Variants in RNF11 observed in about 807,000 individuals in gnomAD.
RNF11 encodes ring finger protein 11.
RNF11 carries 4 observed loss-of-function variants against 15.8 expected under a neutral mutation model. That is an observed-to-expected ratio of 0.25 (90% confidence interval 0.12 to 0.58). The LOEUF (loss-of-function observed/expected upper bound fraction) is 0.58. RNF11 is among the 20% of genes least tolerant of loss of function. RNF11 has a pLI of 0.91. For missense variants in RNF11, 139 were observed against 194.4 expected (o/e 0.71, Z 1.70); for synonymous variants, 68 against 72.3 (o/e 0.94, Z 0.30).
At chr1:51,262,363 T>TTA (rs1274614487) in intron 1 of RNF11, among the ~76,000 whole-genome samples, 1 of 152,224 alleles carries the variant, frequency 6.6e-6, no homozygotes, top group Non-Finnish European at 1.5e-5. Flanking sequence ...AGCTAAAACT[T>TTA]TATAAACCTC....
chr1:51,249,466 C>G (rs1290257950), intron 1 of RNF11, among the ~76,000 whole-genome samples: 1 of 152,130 alleles, frequency 6.6e-6, no homozygotes, highest in East Asian at 1.9e-4. Flanking sequence ...TGTTTCCAAG[C>G]CCCCAAAAGG....
intron 1 of RNF11, among the ~76,000 whole-genome samples, chr1:51,261,220 ACCCTTTAAGGT>A (rs1646929103): frequency 6.6e-6 from 1 of 152,108 alleles, no homozygotes; most frequent in Non-Finnish European, 1.5e-5. Context: ...AGATCCACAG[ACCCTTTAAGGT>A]CAGGGATAGA....
chr1:51,244,447 C>T (rs145317837), intron 1 of RNF11, among the ~76,000 whole-genome samples: 76 of 152,102 alleles, frequency 5.0e-4, no homozygotes, highest in East Asian at 2.3e-3. Flanking sequence ...TGCAGTGGCG[C>T]GATCTCAGCT....
intron 1 of RNF11, among the ~76,000 whole-genome samples, chr1:51,262,595 T>A (rs1646935339): frequency 1.3e-5 from 2 of 152,134 alleles, no homozygotes; most frequent in Non-Finnish European, 1.5e-5. Context: ...TCATCTAGAC[T>A]GGAGTGCAGC....
intron 1 of RNF11, among the ~76,000 whole-genome samples, chr1:51,240,023 T>C (rs1289630089): frequency 6.6e-6 from 1 of 152,206 alleles, no homozygotes; most frequent in Non-Finnish European, 1.5e-5. Flanking sequence ...CTAACAGTTA[T>C]CCCTGCTTTC....
In RNF11 at chr1:51,272,481, A is replaced by C. The variant is rs143495145; in HGVS notation, c.*1159A>C. 6.5e-6 allele frequency: 1 copy of C among 152,758 alleles called. No homozygotes were observed. The highest frequency in any genetic ancestry group is 2.4e-5 in the African/African-American group (1 of 41,576). The allele number at this position is 152,758 out of a possible 1,614,324, so 9.5% of individuals were successfully genotyped here. ...TAATTGTATTTTATGTTTTGCACAC[A>C]AACGCAGAATTTGTATAACCATATG... On this transcript the variant is annotated 3_prime_UTR_variant, in exon 3 of 3. Coordinates refer to ENST00000242719, the MANE Select transcript of RNF11 (RefSeq NM_014372.5).
intron 1 of RNF11, among the ~76,000 whole-genome samples, chr1:51,244,909 A>C (rs1403164896): frequency 6.6e-6 from 1 of 152,244 alleles, no homozygotes; most frequent in Non-Finnish European, 1.5e-5. Flanking sequence ...ATTATAGGGT[A>C]ACTTGAGAAG....
intron 1 of RNF11, among the ~76,000 whole-genome samples, chr1:51,247,246 C>T (rs1188531205): frequency 6.6e-6 from 1 of 151,726 alleles, no homozygotes; most frequent in Admixed American, 6.6e-5. Flanking sequence ...ACCTTGTTGC[C>T]TAGGCTGGAG....
chr1:51,252,416 A>C (rs1317069074), intron 1 of RNF11, among the ~76,000 whole-genome samples: 1 of 152,074 alleles, frequency 6.6e-6, no homozygotes, highest in East Asian at 1.9e-4. Context: ...GGAATTCGAG[A>C]CCAGCCTGGG....
At chr1:51,241,122 A>G (rs904301476) in intron 1 of RNF11, among the ~76,000 whole-genome samples, 24 of 151,722 alleles carry the variant, frequency 1.6e-4, no homozygotes, top group African/African-American at 5.8e-4. Context: ...TGCCCTTTAT[A>G]TTTTTTAAAT....
chr1:51,250,131 A>G (rs113331477), intron 1 of RNF11, among the ~76,000 whole-genome samples: 27 of 152,176 alleles, frequency 1.8e-4, no homozygotes, highest in African/African-American at 5.8e-4. Flanking sequence ...GGTATTGTCA[A>G]TCTTTATTTT....
intron 1 of RNF11, among the ~76,000 whole-genome samples, chr1:51,254,024 C>T (rs955329533): frequency 1.3e-5 from 2 of 151,658 alleles, no homozygotes; most frequent in South Asian, 4.1e-4. Flanking sequence ...TTTTAAAGCT[C>T]TACACGATCA....
At chr1:51,269,875 C>G (rs948881440) in intron 1 of RNF11, 81 bp from the exon 2 acceptor site, 2 of 1,226,150 alleles carry the variant, frequency 1.6e-6, no homozygotes, top group African/African-American at 3.1e-5. Context: ...GGCTCCCTTT[C>G]CCTTCTATCT....
intron 2 of RNF11, 79 bp downstream of exon 2, chr1:51,270,204 T>G: frequency 5.8e-6 from 6 of 1,039,934 alleles, no homozygotes; most frequent in Non-Finnish European, 8.5e-6. Flanking sequence ...CTCCTGCACT[T>G]TAGAAAGTCA....
At chr1:51,252,972 G>C (rs547956761) in intron 1 of RNF11, among the ~76,000 whole-genome samples, 1 of 151,698 alleles carries the variant, frequency 6.6e-6, no homozygotes, top group East Asian at 2.0e-4. Flanking sequence ...GATTATAGGC[G>C]CCCACCACGC....
Position 51,236,729 on chromosome 1 carries a change from C to G in RNF11, c.-28C>G, listed in dbSNP as rs749608580. Reference sequence around the variant, plus strand: ...CGACCCCACCGCTGCTTTCTCCTCCCCCAGATCACGCACCCCAGCTCCGGA... The same window carrying G: ...CGACCCCACCGCTGCTTTCTCCTCCGCCAGATCACGCACCCCAGCTCCGGA... On this transcript the variant is annotated 5_prime_UTR_variant, in exon 1 of 3. Coordinates refer to ENST00000242719, the MANE Select transcript of RNF11 (RefSeq NM_014372.5). 3.1e-6 allele frequency: 5 copies of G among 1,608,690 alleles called. No individual in the cohort carries two copies. Among genetic ancestry groups the G allele is most frequent in the Non-Finnish European group, 4.2e-6 (5 of 1,177,906 alleles).
chr1:51,253,396 A>G (rs1362289123), intron 1 of RNF11, among the ~76,000 whole-genome samples: 1 of 151,724 alleles, frequency 6.6e-6, no homozygotes, highest in African/African-American at 2.4e-5. Flanking sequence ...GGTGGCATGC[A>G]CCTGTAGTCC....
intron 1 of RNF11, among the ~76,000 whole-genome samples, chr1:51,241,587 T>C (rs966451267): frequency 1.6e-4 from 24 of 152,212 alleles, no homozygotes; most frequent in African/African-American, 5.8e-4. Context: ...GGGAAAGTAC[T>C]TGGGGGAGAA....
chr1:51,242,581 A>G (rs1487025627), intron 1 of RNF11, among the ~76,000 whole-genome samples: 3 of 152,298 alleles, frequency 2.0e-5, no homozygotes, highest in Non-Finnish European at 2.9e-5. Context: ...TAAAAAATCT[A>G]GAATGTACTG....
Sources: gnomAD v4.1 joint callset for allele counts (sites outside exome capture counted in the v4.1 genomes callset) on GRCh38, gnomAD v4.1.1 for gene constraint, MANE v1.5 for transcripts, NCBI Gene and HGNC (gene_info 2026-07-23, HGNC 2026-07-21) for gene names.